The following ATP10A variants were observed in gnomAD, a reference collection of about 807,000 sequenced individuals.
The protein encoded by ATP10A is phospholipid-transporting ATPase VA.
A neutral mutation model predicts 147.8 loss-of-function variants in ATP10A; 111 were observed. That is an observed-to-expected ratio of 0.75 (90% confidence interval 0.64 to 0.88). ATP10A has a LOEUF of 0.88. Ranked by LOEUF, ATP10A falls within the 40% of genes least tolerant of loss-of-function variation. The probability of loss-of-function intolerance (pLI) is 0.00; values close to 1 mark genes in which losing one functional copy is unlikely to be tolerated. For synonymous variants in ATP10A, 875 were observed against 841.6 expected (o/e 1.04, Z -0.69); for missense variants, 1,927 against 1,959.0 (o/e 0.98, Z 0.31).
In ATP10A at chr15:25,857,660, G is replaced by A. The variant is rs1301333094; in HGVS notation, c.449+4988C>T. ...TTGCTAATTGTTGAAACTGGACAAT[G>A]GTACATGGCAGTTTGTCACATGTGC... On this transcript the variant is annotated intron_variant, in intron 1 of 20. Coordinates refer to ENST00000555815, the MANE Select transcript of ATP10A (RefSeq NM_024490.4). Among the ~76,000 whole-genome samples, 10 of 152,218 alleles carry A rather than the reference G, an allele frequency of 6.6e-5. No individual in the cohort carries two copies. The East Asian group carries it at 1.7e-3, about 26-fold the overall frequency.
intron 1 of ATP10A, among the ~76,000 whole-genome samples, chr15:25,788,036 G>C (rs976680942): frequency 2.0e-5 from 3 of 152,118 alleles, no homozygotes; most frequent in African/African-American, 7.2e-5. Context: ...CTTTAATCAG[G>C]CTGATTTGGT....
intron 1 of ATP10A, among the ~76,000 whole-genome samples, chr15:25,799,850 T>C (rs1201563024): frequency 6.6e-6 from 1 of 152,194 alleles, no homozygotes; most frequent in Non-Finnish European, 1.5e-5. Flanking sequence ...TATCAACTGG[T>C]ACATTTATAA....
intron 1 of ATP10A, among the ~76,000 whole-genome samples, chr15:25,838,721 G>A (rs1291050918): frequency 1.3e-5 from 2 of 152,148 alleles, no homozygotes; most frequent in African/African-American, 2.4e-5. Context: ...GAGTTGTGGC[G>A]CTTGATGATA....
At chr15:25,688,003 T>G in intron 15 of ATP10A, 175 bp from the exon 16 acceptor site, 1 of 785,050 alleles carries the variant, frequency 1.3e-6, no homozygotes, top group Non-Finnish European at 2.1e-6. Flanking sequence ...TCTCCTTCCG[T>G]TACAAAAGAG....
rs142575338 is a variant in ATP10A, at chr15:25,690,765, T to G, written c.3165+950A>C. Among the ~76,000 whole-genome samples, 999 of 152,360 alleles carry G rather than the reference T, an allele frequency of 6.6e-3. 7 individuals carry two copies. The highest frequency in any genetic ancestry group is 9.2e-3 in the Non-Finnish European group (628 of 68,042). The stretch of plus-strand genomic sequence containing the variant: ...TTGTGCAAGGTGCCACACTGGGCAC[T>G]GTGAAGACACAAAGGTGAGTCAAAC... On this transcript the variant is annotated intron_variant, in intron 15 of 20. Transcript: ENST00000555815.
In ATP10A at chr15:25,702,080, G is replaced by C. The variant is rs781169989; in HGVS notation, c.2596C>G (p.Arg866Gly). Residue 866 changes from arginine to glycine, a missense_variant, in exon 13 of 21, where the codon CGC becomes GGC. Arg to Gly is a moderately radical substitution (Grantham distance 125). Transcript: ENST00000555815. ...HLLGATGIED[R>G]LQDGVPETIS... is the part of the protein sequence containing the mutation. ...GTTTCAGGGACTCCGTCCTGCAGGC[G>C]GTCTTCAATCCCAGTGGCACCTGGT... The C allele has an allele frequency of 6.2e-7, 1 of 1,612,728 alleles. No individual in the cohort carries two copies. Among genetic ancestry groups the C allele is most frequent in the Non-Finnish European group, 8.5e-7 (1 of 1,179,302 alleles).
chr15:25,759,621 T>C (rs932809089), intron 2 of ATP10A, among the ~76,000 whole-genome samples: 3 of 151,942 alleles, frequency 2.0e-5, no homozygotes, highest in Non-Finnish European at 4.4e-5. Context: ...GCCTGGGCAA[T>C]ATGGTGAGTT....
chr15:25,860,874 T>C (rs149701720), intron 1 of ATP10A, among the ~76,000 whole-genome samples: 193 of 152,324 alleles, frequency 1.3e-3, no homozygotes, highest in African/African-American at 3.8e-3. Flanking sequence ...ACTGTATTTC[T>C]CCTGAGGCAT....
intron 1 of ATP10A, among the ~76,000 whole-genome samples, chr15:25,830,646 C>T (rs1458483032): frequency 6.6e-6 from 1 of 152,270 alleles, no homozygotes; most frequent in Admixed American, 6.5e-5. Flanking sequence ...GCCACGGCCC[C>T]CTTCCGTCTT....
intron 13 of ATP10A, among the ~76,000 whole-genome samples, chr15:25,698,020 C>T (rs1015039252): frequency 5.3e-5 from 8 of 151,992 alleles, no homozygotes. Flanking sequence ...GAAAGTTTAC[C>T]GAAGTGTCAC....
intron 19 of ATP10A, among the ~76,000 whole-genome samples, chr15:25,680,514 A>G (rs986734363): frequency 1.6e-4 from 24 of 152,078 alleles, no homozygotes. Context: ...ATGAGGTGAG[A>G]TGGAGTCAGG....
intron 19 of ATP10A, 91 bp from the exon 20 acceptor site, chr15:25,680,399 GGTGT>G: frequency 7.3e-7 from 1 of 1,378,328 alleles, no homozygotes; most frequent in Non-Finnish European, 1.0e-6. Context: ...TCAATGAGCA[GGTGT>G]GAGGTTCTGA....
chr15:25,683,722 T>C (rs796866581), intron 16 of ATP10A: 22 of 556,810 alleles, frequency 4.0e-5, no homozygotes, highest in African/African-American at 3.6e-4. Flanking sequence ...GCAGTGGGAA[T>C]TGGGAATTCC....
At position 25,701,869 on chromosome 15, in the gene ATP10A, T is replaced by G. The variant is rs79497018; in HGVS notation, c.2760+47A>C. 4.0e-6 allele frequency: 6 copies of G among 1,517,750 alleles called. No homozygotes were observed. In the Admixed American group the frequency reaches 1.3e-4, roughly 32 times the overall value. The allele number at this position is 1,517,750 out of a possible 1,614,324, so 94.0% of individuals were successfully genotyped here. A position where few individuals can be genotyped will look rare whatever the true frequency, so the allele number is the denominator to read the frequency against. On this transcript the variant is annotated intron_variant, in intron 13 of 20. Coordinates refer to ENST00000555815, the MANE Select transcript of ATP10A (RefSeq NM_024490.4). ...TCTGCCAAGGGGGCCACGATAAACA[T>G]GGACCACCCCAGGGGAAGGAAGCGG... is the stretch of plus-strand genomic sequence containing the variant.
At chr15:25,785,481 C>T (rs536254639) in intron 1 of ATP10A, among the ~76,000 whole-genome samples, 2 of 152,288 alleles carry the variant, frequency 1.3e-5, no homozygotes, top group South Asian at 2.1e-4. Context: ...TCCACTGCCA[C>T]GGCAGCCTGA....
At chr15:25,858,163 A>T (rs922578391) in intron 1 of ATP10A, among the ~76,000 whole-genome samples, 5 of 152,236 alleles carry the variant, frequency 3.3e-5, no homozygotes, top group Non-Finnish European at 7.3e-5. Context: ...GCAAGCGTCC[A>T]GTGCCCTAAC....
At chr15:25,808,777 T>C (rs1891306614) in intron 1 of ATP10A, among the ~76,000 whole-genome samples, 1 of 152,200 alleles carries the variant, frequency 6.6e-6, no homozygotes. Context: ...ATCTATATTA[T>C]CTTTGTGCCA....
At chr15:25,764,498 C>T (rs1419730720) in intron 2 of ATP10A, among the ~76,000 whole-genome samples, 1 of 152,166 alleles carries the variant, frequency 6.6e-6, no homozygotes, top group Non-Finnish European at 1.5e-5. Flanking sequence ...AGAAGAGACA[C>T]TCACTCGAAG....
At chr15:25,761,404 T>C (rs1452559890) in intron 2 of ATP10A, among the ~76,000 whole-genome samples, 1 of 152,204 alleles carries the variant, frequency 6.6e-6, no homozygotes, top group East Asian at 1.9e-4. Flanking sequence ...CAGCACCTAG[T>C]GGAGCTGTGA....
Sources: gnomAD v4.1 joint callset for allele counts (sites outside exome capture counted in the v4.1 genomes callset) on GRCh38, gnomAD v4.1.1 for gene constraint, MANE v1.5 for transcripts, NCBI Gene and HGNC (gene_info 2026-07-23, HGNC 2026-07-21) for gene names.